The following CDHR5 variants were observed in gnomAD, a reference collection of about 807,000 sequenced individuals.
CDHR5 encodes cadherin-related family member 5.
In CDHR5, 82 loss-of-function variants were observed where a neutral mutation model predicts 69.5. That is an observed-to-expected ratio of 1.18 (90% confidence interval 0.99 to 1.42). The LOEUF is 1.42. Among genes scored for constraint, CDHR5 ranks in the 40% most tolerant of loss-of-function variants. The pLI is 0.00. For missense variants in CDHR5, 1,293 were observed against 1,168.9 expected, an observed-to-expected ratio of 1.11 and a Z score of -1.55; for synonymous variants, 601 against 510.2, an observed-to-expected ratio of 1.18 and a Z score of -2.40.
chr11:616,711 C>T lies in CDHR5; in HGVS notation c.*640G>A, dbSNP rs1309384795. Reference sequence around the variant, plus strand: ...TTTGGGAGCAGCGAGGGGAATGTGTCTCTCACCCCTAGGCCTCCTGGTCTG... The same window carrying T: ...TTTGGGAGCAGCGAGGGGAATGTGTTTCTCACCCCTAGGCCTCCTGGTCTG... On this transcript the variant is annotated 3_prime_UTR_variant, in exon 15 of 15. Coordinates refer to ENST00000397542, the MANE Select transcript of CDHR5 (RefSeq NM_021924.5). 1.9e-5 allele frequency: 3 copies of T among 154,554 alleles called. No individual in the cohort carries two copies. The East Asian group carries it at 5.8e-4, about 30-fold the overall frequency. The allele number at this position is 154,554 out of a possible 1,614,324, so 9.6% of individuals were successfully genotyped here.
Position 624,685 on chromosome 11 carries a change from C to T in CDHR5, c.133G>A (p.Val45Ile). 3.7e-6 allele frequency: 6 copies of T among 1,612,904 alleles called. No individual in the cohort carries two copies. Among genetic ancestry groups the T allele is most frequent in the South Asian group, 1.1e-5 (1 of 90,924 alleles). ...TGGATGTCCACCAGCGGCTCGGTGA[C>T]ATTTGTGTTCTCCTCTACTTCAAAG... ...DIFEVEENTN[V>I]TEPLVDIHVP... The change falls in exon 2 of 15, where the codon GTC becomes ATC. Residue 45 changes from valine (V) to isoleucine (I), a missense_variant. Physicochemically the swap from Val to Ile is conservative, Grantham distance 29. Coordinates refer to ENST00000397542, the MANE Select transcript of CDHR5 (RefSeq NM_021924.5). The surrounding 1 kb of genome is among the most constrained non-coding windows in gnomAD (Gnocchi z 5.3).
rs1255934431 is a variant in CDHR5, at chr11:618,753, T to A, written c.1806A>T (p.Ala602=). The A allele has an allele frequency of 6.2e-7, 1 of 1,605,888 alleles. No homozygotes were observed. The highest frequency in any genetic ancestry group is 8.5e-7 in the Non-Finnish European group (1 of 1,178,190). ...HQPATPGGGT[A]QTPEAGTSQP... ...GAGAGGTTCCTGCCTCTGGGGTCTG[T>A]GCTGTGCCCCCACCGGGTGTGGCTG... The change falls in exon 13 of 15, where the codon GCA becomes GCT. Residue 602 remains alanine, a synonymous_variant. Transcript: ENST00000397542.
rs140067219 is a variant in CDHR5, at chr11:621,658, C to T, written c.411G>A (p.Thr137=). The part of the protein sequence containing the change: ...KTKEIRVEED[T]KVNSTVIPET... The stretch of plus-strand genomic sequence containing the variant: ...CGGGGATGACGGTGGAGTTCACTTT[C>T]GTGTCCTGGGGAGGGAGAGGGGCTT... The change falls in exon 5 of 15, where the codon ACG becomes ACA. Residue 137 remains threonine (T), a synonymous_variant. Coordinates refer to ENST00000397542, the MANE Select transcript of CDHR5 (RefSeq NM_021924.5). This position sits in a 1 kb window ranked among gnomAD's most constrained non-coding sequence, Gnocchi z 4.4. 1.8e-5 allele frequency: 29 copies of T among 1,612,090 alleles called. No homozygotes were observed. In the Middle Eastern group the frequency reaches 8.3e-4, roughly 46 times the overall value.
At chr11:618,487 T>C in intron 13 of CDHR5, 112 bp downstream of exon 13, 7 of 1,298,650 alleles carry the variant, frequency 5.4e-6, no homozygotes, top group Non-Finnish European at 7.5e-6. Flanking sequence ...CAGACTCCTC[T>C]TTGGGATTTC....
chr11:621,746 A>T lies in CDHR5; in HGVS notation c.405+66T>A, dbSNP rs1857412923. ...GTGGTTGAGCCCCCGGCCACCACTC[A>T]CCTCCTGCCCTCACCCTGGGCTCCC... is the stretch of plus-strand genomic sequence containing the variant. On this transcript the variant is annotated intron_variant, in intron 4 of 14. Transcript: ENST00000397542. This position sits in a 1 kb window ranked among gnomAD's most constrained non-coding sequence, Gnocchi z 4.4. The T allele has an allele frequency of 6.4e-7, 1 of 1,558,880 alleles. No homozygotes were observed. Among genetic ancestry groups the T allele is most frequent in the East Asian group, 2.2e-5 (1 of 44,522 alleles).
rs773337776 is a variant in CDHR5 at position 619,525 on chromosome 11, C to T, written c.1242G>A (p.Glu414=). ...CCAGTGTGGTGGTGGTCAGCACAAC[C>T]TCTCCCTCCATCCGGAAGTGTGAGT... ...TNHSHFRMEG[E]VVLTTTTLAQ... The change falls in exon 11 of 15, where the codon GAG becomes GAA. Residue 414 remains glutamate (E), a synonymous_variant. Transcript: ENST00000397542. The T allele has an allele frequency of 1.2e-6, 2 of 1,614,004 alleles. No individual in the cohort carries two copies. The highest frequency in any genetic ancestry group is 2.2e-5 in the East Asian group (1 of 44,864).
At chr11:623,047 A>G (rs1857512670) in intron 3 of CDHR5, among the ~76,000 whole-genome samples, 1 of 151,554 alleles carries the variant, frequency 6.6e-6, no homozygotes, top group Non-Finnish European at 1.5e-5. Context: ...GGTGGCTCAC[A>G]CCTGTAATCC....
In CDHR5 at chr11:624,903, C is replaced by T. The variant is rs144333629; in HGVS notation, c.-1G>A. 2.1e-4 allele frequency: 319 copies of T among 1,550,124 alleles called. No homozygotes were observed. The African/African-American group carries it at 3.9e-3, about 19-fold the overall frequency. On this transcript the variant is annotated 5_prime_UTR_variant, in exon 1 of 15. Coordinates refer to ENST00000397542, the MANE Select transcript of CDHR5 (RefSeq NM_021924.5). The surrounding 1 kb of genome is among the most constrained non-coding windows in gnomAD (Gnocchi z 5.3). Reference sequence around the variant, plus strand: ...GCCACAGCAGGGCCCAAGACCCCATCTTGGCGGCTGTCACCTGGCAGGAGG... The same window carrying T: ...GCCACAGCAGGGCCCAAGACCCCATTTTGGCGGCTGTCACCTGGCAGGAGG...
In CDHR5 at chr11:624,218, T is replaced by C. The variant is rs1477203623; in HGVS notation, c.307A>G (p.Thr103Ala). ...AGAGCGGGGCGGGGACTCACCAATG[T>C]GCCTCCGCTCTGACACAGCAGCTGA... ...EAQLLCQSGG[T>A]LVTQLRVFVS... The change falls in exon 3 of 15, where the codon ACA becomes GCA. Residue 103 changes from threonine (T) to alanine (A), a missense_variant. Thr to Ala is a moderately conservative substitution (Grantham distance 58, BLOSUM62 0). Transcript: ENST00000397542. This position sits in a 1 kb window ranked among gnomAD's most constrained non-coding sequence, Gnocchi z 5.3. 3.9e-6 allele frequency: 3 copies of C among 765,776 alleles called. No homozygotes were observed. Among genetic ancestry groups the C allele is most frequent in the Non-Finnish European group, 7.3e-6 (3 of 411,612 alleles). The allele number at this position is 765,776 out of a possible 1,614,324, so 47.4% of individuals were successfully genotyped here.
At position 624,847 on chromosome 11, in the gene CDHR5, C is replaced by T. The variant is rs567150985; in HGVS notation, c.56G>A (p.Arg19Gln). The T allele has an allele frequency of 1.3e-4, 206 of 1,599,166 alleles. 3 individuals carry two copies. The South Asian group carries it at 2.0e-3, about 15-fold the overall frequency. ...GGCCTGGGCCATGGTCCCCGGGGGT[C>T]GGACGAGCAGCCCGGTGAACAGCAG... ...PPLLFTGLLV[R>Q]PPGTMAQAQY... The change falls in exon 1 of 15, where the codon CGA becomes CAA. Residue 19 changes from arginine (R) to glutamine (Q), a missense_variant. By Grantham distance (43) the Arg-to-Gln change is conservative (BLOSUM62 1). Transcript: ENST00000397542. The surrounding 1 kb of genome is among the most constrained non-coding windows in gnomAD (Gnocchi z 5.3).
Position 621,372 on chromosome 11 carries a change from C to G in CDHR5, c.591G>C (p.Pro197=), listed in dbSNP as rs776758494. Residue 197 remains proline, a synonymous_variant, in exon 6 of 15, where the codon CCG becomes CCC. Transcript: ENST00000397542. The surrounding 1 kb of genome is among the most constrained non-coding windows in gnomAD (Gnocchi z 4.4). ...GCACCAGCAGCCAGAAGGTCATGTT[C>G]GGCCGCTCGTAGAAGTCCAGGGGCC... The part of the protein sequence containing the change: ...LDRPLDFYER[P]NMTFWLLVRD... The G allele has an allele frequency of 6.8e-6, 11 of 1,613,046 alleles. No individual in the cohort carries two copies. Among genetic ancestry groups the G allele is most frequent in the Non-Finnish European group, 1.7e-6 (2 of 1,179,970 alleles).
chr11:620,814 G>A (rs1204544424), intron 7 of CDHR5, among the ~76,000 whole-genome samples: 1 of 152,016 alleles, frequency 6.6e-6, no homozygotes, highest in Non-Finnish European at 1.5e-5. Context: ...AAGAGCTCCA[G>A]GGCCCCAGCC....
chr11:622,664 C>T (rs938795781), intron 3 of CDHR5, among the ~76,000 whole-genome samples: 3 of 151,166 alleles, frequency 2.0e-5, no homozygotes, highest in East Asian at 3.9e-4. Flanking sequence ...TTAGTAGAGA[C>T]GGGGTTTCAC....
In CDHR5 at chr11:619,665, T is replaced by C. The variant is rs1385586245; in HGVS notation, c.1179+16A>G. ...TGACCCACCCACAGAGGGGAGGCCT[T>C]GGATGCACTCTCTACCGAGAACTCC... On this transcript the variant is annotated intron_variant, in intron 10 of 14. Transcript: ENST00000397542. 6.2e-7 allele frequency: 1 copy of C among 1,612,764 alleles called. No homozygotes were observed. The highest frequency in any genetic ancestry group is 8.5e-7 in the Non-Finnish European group (1 of 1,179,434).
chr11:622,439 G>A (rs1282097425), intron 3 of CDHR5, among the ~76,000 whole-genome samples: 1 of 143,098 alleles, frequency 7.0e-6, no homozygotes, highest in Non-Finnish European at 1.5e-5. Context: ...TTTTTTTTTT[G>A]GTTTTTGTTT....
intron 13 of CDHR5, among the ~76,000 whole-genome samples, 186 bp downstream of exon 13, chr11:618,413 C>G (rs879731166): frequency 2.0e-5 from 3 of 152,242 alleles, no homozygotes; most frequent in Admixed American, 2.0e-4. Context: ...TGGCCTCTGT[C>G]CTACACACAT....
chr11:620,485 A>T (rs550081122), intron 7 of CDHR5, 99 bp from the exon 8 acceptor site: 1 of 803,770 alleles, frequency 1.2e-6, no homozygotes, highest in South Asian at 1.7e-5. Context: ...TTGGCTGAGG[A>T]GGGGCCCAGT....
In CDHR5 at chr11:618,971, G is replaced by A; in HGVS notation, c.1588C>T (p.His530Tyr). The A allele has an allele frequency of 3.1e-6, 5 of 1,613,566 alleles. No homozygotes were observed. The highest frequency in any genetic ancestry group is 4.2e-6 in the Non-Finnish European group (5 of 1,179,770). The change falls in exon 13 of 15, where the codon CAC (histidine) becomes TAC (tyrosine). Residue 530 changes from histidine (H) to tyrosine (Y), a missense_variant. By Grantham distance (83) the His-to-Tyr change is moderately conservative. Coordinates refer to ENST00000397542, the MANE Select transcript of CDHR5 (RefSeq NM_021924.5). The part of the protein sequence containing the change: ...GPPGAENSTS[H>Y]QPATPGGDTA... ...TCCCCACCGGGAGTGGCTGGTTGGT[G>A]GGAGGTGCTGTTTTCTGCACCCGGG...
intron 3 of CDHR5, among the ~76,000 whole-genome samples, chr11:622,973 C>T (rs972559347): frequency 6.6e-6 from 1 of 152,102 alleles, no homozygotes; most frequent in African/African-American, 2.4e-5. Context: ...CTGTACCTTT[C>T]CCTTTCTCCC....
Sources: allele counts gnomAD v4.1 joint callset (sites outside exome capture counted in the v4.1 genomes callset), GRCh38; gene constraint gnomAD v4.1.1; non-coding constraint Gnocchi (gnomAD v3.1); transcripts MANE v1.5; gene names NCBI Gene and HGNC (gene_info 2026-07-23, HGNC 2026-07-21).